NHSL1: variants seen among roughly 807,000 people sequenced by gnomAD.
NHSL1 encodes the protein NHS-like protein 1.
A neutral mutation model predicts 95.0 loss-of-function variants in NHSL1; 48 were observed. The observed-to-expected ratio is 0.51, with a 90% CI of 0.40 to 0.64. NHSL1 has a LOEUF of 0.64. Ranked by LOEUF, NHSL1 falls within the 30% of genes least tolerant of loss-of-function variation. The probability of loss-of-function intolerance (pLI) is 0.00; values close to 1 mark genes in which losing one functional copy is unlikely to be tolerated. For missense variants in NHSL1, 1,971 were observed against 2,077.7 expected (o/e 0.95, Z 1.00); for synonymous variants, 783 against 833.9 (o/e 0.94, Z 1.05).
At position 138,496,290 on chromosome 6, in the gene NHSL1, G is replaced by C; in HGVS notation, c.140C>G (p.Pro47Arg). 6.4e-6 allele frequency: 10 copies of C among 1,550,974 alleles called. No individual in the cohort carries two copies. The highest frequency in any genetic ancestry group is 8.7e-6 in the Non-Finnish European group (10 of 1,146,898). The change falls in exon 2 of 8, where the codon CCC becomes CGC. Residue 47 changes from proline to arginine, a missense_variant. Around this residue, in one of 3 missense-constraint regions of NHSL1, gnomAD observed 1,602 missense variants for 1,654.5 expected, o/e 0.97. Coordinates refer to ENST00000343505, the MANE Select transcript of NHSL1 (RefSeq NM_001144060.2). ...CTCAACACAGGGGGGTCTTGTGGTG[G>C]GAAGGAACACATTCTCCTGCTGGTG... ...PWHQQENVFL[P>R]TTRPPCVEDL...
intron 1 of NHSL1, among the ~76,000 whole-genome samples, chr6:138,603,299 C>T (rs947904595): frequency 4.6e-5 from 7 of 152,126 alleles, no homozygotes; most frequent in Non-Finnish European, 5.9e-5. Flanking sequence ...ATCCACCCAT[C>T]TCAGTCTCCC....
chr6:138,581,803 G>C (rs957592214), intron 1 of NHSL1, among the ~76,000 whole-genome samples: 1 of 151,574 alleles, frequency 6.6e-6, no homozygotes, highest in African/African-American at 2.4e-5. Flanking sequence ...GTGGCCTCAG[G>C]CTCTTACTTT....
intron 1 of NHSL1, among the ~76,000 whole-genome samples, chr6:138,531,213 T>G (rs1389548187): frequency 6.6e-6 from 1 of 152,206 alleles, no homozygotes; most frequent in Non-Finnish European, 1.5e-5. Context: ...AAAATTAAAC[T>G]GTTTGTCTGC....
upstream of NHSL1, among the ~76,000 whole-genome samples, chr6:138,575,868 T>A (rs1783961430): frequency 6.6e-6 from 1 of 152,210 alleles, no homozygotes; most frequent in South Asian, 2.1e-4. Flanking sequence ...AATCAGCCCC[T>A]CCTGGCAGCA....
Position 138,432,278 on chromosome 6 carries a change from G to A in NHSL1, c.2067C>T (p.Ser689=). The part of the protein sequence containing the change: ...DSLRRIPKKS[S]QCNGQVLNES... ...CGTTGAGCACCTGCCCGTTGCACTG[G>A]CTGCTCTTCTTGGGAATCCTGCGGA... The change falls in exon 6 of 8, where the codon AGC becomes AGT. Residue 689 remains serine, a synonymous_variant. Coordinates refer to ENST00000343505, the MANE Select transcript of NHSL1 (RefSeq NM_001144060.2). This position sits in a 1 kb window ranked among gnomAD's most constrained non-coding sequence, Gnocchi z 4.4. 1 of 1,551,206 alleles carries A rather than the reference G, an allele frequency of 6.4e-7. No individual in the cohort carries two copies. The highest frequency in any genetic ancestry group is 1.4e-5 in the African/African-American group (1 of 73,082).
chr6:138,474,844 T>C (rs373571130), intron 2 of NHSL1, among the ~76,000 whole-genome samples: 10 of 152,016 alleles, frequency 6.6e-5, no homozygotes, highest in African/African-American at 2.2e-4. Flanking sequence ...AAATAAAGAG[T>C]ATGATTAGAA....
intron 1 of NHSL1, among the ~76,000 whole-genome samples, chr6:138,648,028 C>A (rs906172963): frequency 2.0e-5 from 3 of 152,162 alleles, no homozygotes; most frequent in Non-Finnish European, 2.9e-5. Flanking sequence ...CGCTGCGTGA[C>A]ATTCAAATCT....
In NHSL1 at chr6:138,625,390, G is replaced by A. The variant is rs142189804; in HGVS notation, c.96+67086C>T. Among the ~76,000 whole-genome samples, 1,045 of 152,072 alleles carry A rather than the reference G, an allele frequency of 6.9e-3. 12 individuals are homozygous for A. Among genetic ancestry groups the A allele is most frequent in the African/African-American group, 0.024 (980 of 41,484 alleles). ...ACTCCTGACCTCAAGTGATCCACCC[G>A]CCTTGGCCTCCCAAAGTGTGAACTG... On this transcript the variant is annotated intron_variant, in intron 1 of 3. Coordinates refer to the NHSL1 transcript ENST00000491526.
upstream of NHSL1, chr6:138,545,757 C>A: frequency 1.6e-6 from 2 of 1,216,308 alleles, no homozygotes; most frequent in Middle Eastern, 2.4e-4. Context: ...GGGCGGCCAG[C>A]CAGCGCCTGT....
At chr6:138,504,368 C>T (rs1051859750), upstream of NHSL1, among the ~76,000 whole-genome samples, 1 of 152,118 alleles carries the variant, frequency 6.6e-6, no homozygotes, top group African/African-American at 2.4e-5. Flanking sequence ...AAGACACACC[C>T]ACACAGATAA....
chr6:138,657,396 G>A (rs1785170226), intron 1 of NHSL1, among the ~76,000 whole-genome samples: 1 of 152,152 alleles, frequency 6.6e-6, no homozygotes, highest in Non-Finnish European at 1.5e-5. Flanking sequence ...AGTAAAGAGA[G>A]GGAAGCAACA....
intron 1 of NHSL1, among the ~76,000 whole-genome samples, chr6:138,618,502 A>G (rs1784611308): frequency 6.6e-6 from 1 of 152,214 alleles, no homozygotes; most frequent in African/African-American, 2.4e-5. Flanking sequence ...GGTTTTTCTG[A>G]CTAGCTGTTT....
At chr6:138,440,072 G>A (rs1776432263) in intron 5 of NHSL1, among the ~76,000 whole-genome samples, 1 of 152,050 alleles carries the variant, frequency 6.6e-6, no homozygotes, top group Non-Finnish European at 1.5e-5. Context: ...GAATACTTAT[G>A]TGTATGTGCA....
chr6:138,423,826 A>T lies in NHSL1; in HGVS notation c.*255T>A. On this transcript the variant is annotated 3_prime_UTR_variant, in exon 8 of 8. Coordinates refer to ENST00000343505, the MANE Select transcript of NHSL1 (RefSeq NM_001144060.2). The stretch of plus-strand genomic sequence containing the variant: ...CACCCAGCATTTAGCAAAAAAAAAA[A>T]AAAAAAAAAAAAATCTTCCCCGGGA... The T allele has an allele frequency of 3.1e-6, 1 of 322,760 alleles. No homozygotes were observed. 20.0% of individuals were successfully genotyped at this position (322,760 alleles called of 1,614,324 possible).
chr6:138,455,548 C>A (rs1320709379), intron 3 of NHSL1, among the ~76,000 whole-genome samples: 1 of 58,182 alleles, frequency 1.7e-5, no homozygotes, highest in Non-Finnish European at 4.5e-5. Flanking sequence ...ATGCTCCCTG[C>A]AAGGAGCCCC....
intron 1 of NHSL1, among the ~76,000 whole-genome samples, chr6:138,610,750 G>A (rs1280017937): frequency 1.3e-5 from 2 of 151,978 alleles, no homozygotes; most frequent in Admixed American, 1.3e-4. Context: ...GAGAAGCCAA[G>A]AATGAGACAG....
intron 2 of NHSL1, among the ~76,000 whole-genome samples, chr6:138,486,586 G>GC (rs1779745071): frequency 1.3e-5 from 2 of 151,752 alleles, no homozygotes; most frequent in South Asian, 2.1e-4. Flanking sequence ...AGCCTCAACC[G>GC]CCCCCCTCCT....
chr6:138,664,156 C>G (rs1339558166), intron 1 of NHSL1, among the ~76,000 whole-genome samples: 1 of 152,162 alleles, frequency 6.6e-6, no homozygotes, highest in Non-Finnish European at 1.5e-5. Context: ...AGGGGAAGAT[C>G]CAGAAGATAT....
At chr6:138,555,984 T>C (rs959487038) in intron 1 of NHSL1, among the ~76,000 whole-genome samples, 3 of 152,108 alleles carry the variant, frequency 2.0e-5, no homozygotes, top group Non-Finnish European at 2.9e-5. Flanking sequence ...AGACAGGGTA[T>C]CTCGGAGGTT....
Sources: gnomAD v4.1 joint callset for allele counts (sites outside exome capture counted in the v4.1 genomes callset) on GRCh38, gnomAD v4.1.1 for gene constraint, gnomAD v4.1.1 regional missense constraint, Gnocchi (gnomAD v3.1) non-coding constraint, MANE v1.5 for transcripts, NCBI Gene and HGNC (gene_info 2026-07-23, HGNC 2026-07-21) for gene names.